MINDY4B: variants seen among roughly 807,000 people sequenced by gnomAD.
MINDY4B encodes inactive ubiquitin carboxyl-terminal hydrolase MINDY-4B.
Under a neutral mutation model 16.7 loss-of-function variants are expected in MINDY4B, and 25 were observed. The observed-to-expected ratio is 1.49, with a 90% CI of 1.09 to 2.09. The LOEUF (loss-of-function observed/expected upper bound fraction) is 2.09, where lower values mean the gene tolerates loss of function less well. Ranked by LOEUF, MINDY4B falls within the 30% of genes most tolerant of loss-of-function variation. The pLI is 0.00. For synonymous variants in MINDY4B, 132 were observed against 61.9 expected, an observed-to-expected ratio of 2.13 and a Z score of -5.32; for missense variants, 327 against 168.4, an observed-to-expected ratio of 1.94 and a Z score of -5.21.
rs541734590 is a variant in MINDY4B, at chr3:150,873,314, A to T, written c.1113T>A (p.Asn371Lys). 2 of 702,874 alleles carry T rather than the reference A, an allele frequency of 2.8e-6. No homozygotes were observed. Among genetic ancestry groups the T allele is most frequent in the Non-Finnish European group, 5.2e-6 (2 of 384,844 alleles). The allele number at this position is 702,874 out of a possible 1,614,324, so 43.5% of individuals were successfully genotyped here. Residue 371 changes from asparagine to lysine, a missense_variant, in exon 11 of 12, where the codon AAT becomes AAA. Asn to Lys is a moderately conservative substitution (Grantham distance 94). Transcript: ENST00000465419. ...TGCAAAAAAGGATGCTGTAATTTCC[A>T]TTGATGTTGCACAGCCAAATAGGTA... ...PKLPIWLCNI[N>K]GNYSILFCTN...
intron 10 of MINDY4B, among the ~76,000 whole-genome samples, chr3:150,879,745 T>C (rs904904766): frequency 3.9e-5 from 6 of 152,338 alleles, no homozygotes; most frequent in Admixed American, 1.3e-4. Flanking sequence ...CTTATAAAGC[T>C]AACTCTGTTC....
At chr3:150,873,068 C>T in intron 11 of MINDY4B, 119 bp downstream of exon 11, 1 of 575,212 alleles carries the variant, frequency 1.7e-6, no homozygotes, top group Non-Finnish European at 3.1e-6. Context: ...ATTTCAGAAA[C>T]TGAGCCTAAG....
intron 3 of MINDY4B, among the ~76,000 whole-genome samples, chr3:150,898,073 C>T (rs1712023492): frequency 6.6e-6 from 1 of 152,172 alleles, no homozygotes; most frequent in African/African-American, 2.4e-5. Flanking sequence ...ATGGGGTAAC[C>T]CCTGCTTGGT....
rs533396251 is a variant in MINDY4B at position 150,890,982 on chromosome 3, C to T, written c.643G>A (p.Val215Ile). The change falls in exon 6 of 12, where the codon GTT becomes ATT. Residue 215 changes from valine (V) to isoleucine (I), a missense_variant. Coordinates refer to ENST00000465419, the MANE Select transcript of MINDY4B (RefSeq NM_001351281.2). ...TICLVTEDIY[V>I]ASTPDYSVDN... ...ACAGAGTAGTCCGGAGTCGACGCAA[C>T]GTAAATGTCCTCAGTGACAAGACAG... is the stretch of plus-strand genomic sequence containing the variant. The T allele has an allele frequency of 2.4e-4, 168 of 702,856 alleles. 2 individuals carry two copies. In the Middle Eastern group the frequency reaches 0.016, roughly 67 times the overall value. 43.5% of individuals were successfully genotyped at this position (702,856 alleles called of 1,614,324 possible).
intron 10 of MINDY4B, among the ~76,000 whole-genome samples, chr3:150,874,507 A>G (rs1346198116): frequency 6.7e-6 from 1 of 149,778 alleles, no homozygotes; most frequent in Non-Finnish European, 1.5e-5. Context: ...ACTGTTTTTA[A>G]AAATTTGTTA....
chr3:150,881,944 A>C (rs1468089601), intron 10 of MINDY4B, among the ~76,000 whole-genome samples: 1 of 152,210 alleles, frequency 6.6e-6, no homozygotes, highest in African/African-American at 2.4e-5. Flanking sequence ...GGACAGATGA[A>C]GCCCTATATA....
At chr3:150,879,350 C>T (rs1711503340) in intron 10 of MINDY4B, among the ~76,000 whole-genome samples, 1 of 152,086 alleles carries the variant, frequency 6.6e-6, no homozygotes, top group South Asian at 2.1e-4. Context: ...GCCAGTGCTG[C>T]TGGCATCTAG....
chr3:150,891,750 A>G (rs1030445139), intron 5 of MINDY4B, among the ~76,000 whole-genome samples: 1 of 138,180 alleles, frequency 7.2e-6, no homozygotes, highest in African/African-American at 2.7e-5. Context: ...TGACAGAGTG[A>G]GACTCCATCT....
chr3:150,880,305 CTGTGTGTGTGTGTGTGTGTGTG>C (rs60659488), intron 10 of MINDY4B, among the ~76,000 whole-genome samples: 3 of 149,778 alleles, frequency 2.0e-5, no homozygotes, highest in Non-Finnish European at 3.0e-5. Context: ...AGGTTCCCAT[CTGTGTGTGTGTGTGTGTGTGTG>C]TGTGTGTGTG....
intron 5 of MINDY4B, 109 bp from the exon 6 acceptor site, chr3:150,891,212 C>T (rs1576613311): frequency 4.8e-6 from 3 of 625,122 alleles, no homozygotes; most frequent in East Asian, 2.8e-5. Flanking sequence ...CAGAGAGCAG[C>T]GATTTACACC....
chr3:150,877,332 T>C (rs1711498191), intron 10 of MINDY4B, among the ~76,000 whole-genome samples: 1 of 152,198 alleles, frequency 6.6e-6, no homozygotes, highest in Non-Finnish European at 1.5e-5. Context: ...AGCTACTAAA[T>C]ATCCACAAAG....
intron 10 of MINDY4B, among the ~76,000 whole-genome samples, chr3:150,881,746 A>G (rs12634056): frequency 0.79 from 119,755 of 152,162 alleles, 47,577 homozygotes; most frequent in Non-Finnish European, 0.81. Context: ...CTATCACTTC[A>G]CATTTTTCTA....
intron 3 of MINDY4B, among the ~76,000 whole-genome samples, chr3:150,896,405 T>G (rs1030998614): frequency 1.3e-5 from 2 of 152,282 alleles, no homozygotes; most frequent in South Asian, 4.1e-4. Flanking sequence ...TTGGGTCCAT[T>G]GCTGGTGAGC....
Position 150,883,058 on chromosome 3 carries a change from C to A in MINDY4B, c.898G>T (p.Ala300Ser). 1 of 693,686 alleles carries A rather than the reference C, an allele frequency of 1.4e-6. No homozygotes were observed. The highest frequency in any genetic ancestry group is 2.6e-6 in the Non-Finnish European group (1 of 380,522). The allele number at this position is 693,686 out of a possible 1,614,324, so 43.0% of individuals were successfully genotyped here. A position where few individuals can be genotyped will look rare whatever the true frequency, so the allele number is the denominator to read the frequency against. The part of the protein sequence containing the change: ...PNAGGFLCRQ[A>S]VLNMILTGRA... ...CCAGTTAAAATCATGTTCAGAACTGCCTAGAGAGCATATTTTACAGATACT... is the reference window on the plus strand; with the variant it reads ...CCAGTTAAAATCATGTTCAGAACTGACTAGAGAGCATATTTTACAGATACT... Residue 300 changes from alanine to serine, a missense_variant and splice_region_variant, in exon 10 of 12, where the codon GCA becomes TCA. Ala to Ser is a moderately conservative substitution (Grantham distance 99). Coordinates refer to ENST00000465419, the MANE Select transcript of MINDY4B (RefSeq NM_001351281.2).
chr3:150,896,399 G>A (rs1711968314), intron 3 of MINDY4B, among the ~76,000 whole-genome samples: 2 of 152,024 alleles, frequency 1.3e-5, no homozygotes, highest in African/African-American at 4.8e-5. Context: ...CTCAGTTTGG[G>A]TCCATTGCTG....
At position 150,871,162 on chromosome 3, in the gene MINDY4B, T is replaced by A. The variant is rs965452606; in HGVS notation, c.1266A>T (p.Arg422Ser). 2.8e-6 allele frequency: 2 copies of A among 702,810 alleles called. No individual in the cohort carries two copies. The highest frequency in any genetic ancestry group is 4.0e-5 in the Admixed American group (2 of 50,014). The allele number at this position is 702,810 out of a possible 1,614,324, so 43.5% of individuals were successfully genotyped here. ...TIDTHSHHWERDQQEEKHGPR... is the reference protein window; with the variant it reads ...TIDTHSHHWESDQQEEKHGPR... ...GTCCATGTTTCTCTTCCTGTTGGTC[T>A]CTTTCCCAGTGATGGGAGTGAGTAT... is the stretch of plus-strand genomic sequence containing the variant. Residue 422 changes from arginine to serine, a missense_variant, in exon 12 of 12, where the codon AGA becomes AGT. Arg to Ser is a moderately radical substitution (Grantham distance 110). Coordinates refer to ENST00000465419, the MANE Select transcript of MINDY4B (RefSeq NM_001351281.2).
intron 10 of MINDY4B, among the ~76,000 whole-genome samples, chr3:150,875,426 T>A (rs1336183258): frequency 6.6e-6 from 1 of 152,192 alleles, no homozygotes; most frequent in African/African-American, 2.4e-5. Context: ...TCTGGTCAGT[T>A]TTAATCTAGT....
intron 3 of MINDY4B, among the ~76,000 whole-genome samples, chr3:150,896,299 T>C (rs1711965425): frequency 6.6e-6 from 1 of 152,210 alleles, no homozygotes; most frequent in Non-Finnish European, 1.5e-5. Flanking sequence ...TGGATTTCCT[T>C]ACATTGGGCT....
chr3:150,883,607 C>T, intron 9 of MINDY4B, 93 bp downstream of exon 9: 1 of 658,142 alleles, frequency 1.5e-6, no homozygotes, highest in Non-Finnish European at 2.7e-6. Flanking sequence ...ATCCAAAATT[C>T]AGATTGCTTT....
Sources: allele counts gnomAD v4.1 joint callset (sites outside exome capture counted in the v4.1 genomes callset), GRCh38; gene constraint gnomAD v4.1.1; transcripts MANE v1.5; gene names NCBI Gene and HGNC (gene_info 2026-07-23, HGNC 2026-07-21).